Variants in TPH2 observed in about 807,000 individuals in gnomAD.
TPH2 encodes the protein tryptophan hydroxylase 2, also known as tryptophan 5-hydroxylase 2.
TPH2 carries 27 observed loss-of-function variants against 59.1 expected under a neutral mutation model. The observed-to-expected ratio is 0.46, with a 90% CI of 0.34 to 0.63. The LOEUF (loss-of-function observed/expected upper bound fraction) is 0.63. TPH2 is among the 30% of genes least tolerant of loss of function. The pLI is 0.01. For synonymous variants in TPH2, 220 were observed against 210.5 expected, an observed-to-expected ratio of 1.05 and a Z score of -0.39; for missense variants, 523 against 588.3, an observed-to-expected ratio of 0.89 and a Z score of 1.15.
intron 7 of TPH2, among the ~76,000 whole-genome samples, chr12:71,994,051 G>A (rs555044776): frequency 6.6e-6 from 1 of 152,250 alleles, no homozygotes; most frequent in East Asian, 1.9e-4. Context: ...GACCAGATTT[G>A]GACCATGGCT....
intron 5 of TPH2, among the ~76,000 whole-genome samples, chr12:71,954,837 T>A (rs1871449814): frequency 6.6e-6 from 1 of 152,292 alleles, no homozygotes; most frequent in South Asian, 2.1e-4. Context: ...TATTTAATTT[T>A]TTTTTTCGTG....
At chr12:71,954,571 C>G (rs911259994) in intron 5 of TPH2, among the ~76,000 whole-genome samples, 1 of 152,072 alleles carries the variant, frequency 6.6e-6, no homozygotes, top group East Asian at 1.9e-4. Context: ...GTGTGGGGGG[C>G]AGATAGCCTG....
intron 5 of TPH2, chr12:71,961,946 C>T: frequency 9.5e-7 from 1 of 1,056,002 alleles, no homozygotes; most frequent in Non-Finnish European, 1.1e-6. Flanking sequence ...TTTTTGTTTG[C>T]TCCCATCTGA....
chr12:72,018,574 G>A (rs1229672182), intron 8 of TPH2, among the ~76,000 whole-genome samples: 4 of 152,126 alleles, frequency 2.6e-5, no homozygotes, highest in South Asian at 4.1e-4. Context: ...GTGCTTAATA[G>A]GCTGACCCAA....
At chr12:71,941,372 G>GAA (rs1871059744) in intron 1 of TPH2, among the ~76,000 whole-genome samples, 1 of 152,078 alleles carries the variant, frequency 6.6e-6, no homozygotes. Context: ...ACCACTAGAT[G>GAA]ATGTCTTAGA....
chr12:72,016,935 T>C (rs1391611657), intron 8 of TPH2, among the ~76,000 whole-genome samples: 1 of 152,128 alleles, frequency 6.6e-6, no homozygotes, highest in African/African-American at 2.4e-5. Context: ...CAAGGAGGGA[T>C]GCAGAGGGAG....
intron 8 of TPH2, among the ~76,000 whole-genome samples, chr12:71,995,123 C>G (rs571216578): frequency 6.6e-6 from 1 of 152,012 alleles, no homozygotes; most frequent in African/African-American, 2.4e-5. Context: ...CACTGAGGCT[C>G]AACAATTATT....
At chr12:71,945,435 C>T (rs997980496) in intron 4 of TPH2, among the ~76,000 whole-genome samples, 19 of 151,980 alleles carry the variant, frequency 1.3e-4, no homozygotes, top group African/African-American at 4.6e-4. Context: ...CATTTTTTCC[C>T]TCCCCCAGTG....
At chr12:72,013,036 C>T (rs576575657) in intron 8 of TPH2, among the ~76,000 whole-genome samples, 3 of 152,122 alleles carry the variant, frequency 2.0e-5, no homozygotes. Flanking sequence ...CAGACTAAAA[C>T]AGTGCTGCTG....
At chr12:72,007,779 T>G (rs1487179431) in intron 8 of TPH2, among the ~76,000 whole-genome samples, 1 of 152,138 alleles carries the variant, frequency 6.6e-6, no homozygotes, top group East Asian at 1.9e-4. Context: ...TTTTCCTCTT[T>G]CAAATCTAAT....
chr12:72,008,400 A>G (rs935815954), intron 8 of TPH2, among the ~76,000 whole-genome samples: 6 of 152,160 alleles, frequency 3.9e-5, no homozygotes, highest in Non-Finnish European at 7.4e-5. Context: ...CTGAGATGGG[A>G]TGAGTTAGCC....
chr12:71,962,126 C>T (rs968495000), intron 5 of TPH2: 3 of 990,664 alleles, frequency 3.0e-6, no homozygotes, highest in Non-Finnish European at 3.6e-6. Context: ...GCTTAGCAGT[C>T]GTGGGGCTCC....
intron 8 of TPH2, among the ~76,000 whole-genome samples, chr12:72,009,085 C>T (rs1310571247): frequency 6.6e-6 from 1 of 152,134 alleles, no homozygotes; most frequent in Non-Finnish European, 1.5e-5. Context: ...ACAAAACCAG[C>T]TTCTCTGGCA....
intron 6 of TPH2, among the ~76,000 whole-genome samples, chr12:71,975,788 G>T (rs1006265147): frequency 6.6e-6 from 1 of 152,168 alleles, no homozygotes; most frequent in African/African-American, 2.4e-5. Flanking sequence ...GAGAACTACC[G>T]ATCAGTATCA....
rs997834908 is a variant in TPH2 at position 71,985,794 on chromosome 12, C to T, written c.941+6707C>T. ...TTATATAGTTTAGTGCTGTGCTGCC[C>T]CATCCAGTTCTCGGCCCAACTTCCA... is the stretch of plus-strand genomic sequence containing the variant. On this transcript the variant is annotated intron_variant, in intron 7 of 10. Transcript: ENST00000333850. Among the ~76,000 whole-genome samples the T allele has an allele frequency of 8.5e-5, 13 of 152,202 alleles. No individual in the cohort carries two copies. The East Asian group carries it at 2.5e-3, about 29-fold the overall frequency.
At chr12:71,993,815 G>A (rs1872632998) in intron 7 of TPH2, among the ~76,000 whole-genome samples, 1 of 152,180 alleles carries the variant, frequency 6.6e-6, no homozygotes, top group South Asian at 2.1e-4. Flanking sequence ...AACAGCAAGA[G>A]TTGAAAAACA....
At chr12:71,943,513 TAG>T (rs1335058133) in intron 2 of TPH2, among the ~76,000 whole-genome samples, 1 of 152,210 alleles carries the variant, frequency 6.6e-6, no homozygotes, top group African/African-American at 2.4e-5. Flanking sequence ...AGATCCATCA[TAG>T]AGTGATAGTT....
Position 72,019,127 on chromosome 12 carries a change from A to G in TPH2, c.1069-3272A>G, listed in dbSNP as rs550773020. ...GCTGTATTTTAGCTTTTCAACATGT[A>G]TTTACATTATTTATCTTGGTTCTTC... On this transcript the variant is annotated intron_variant, in intron 8 of 10. Coordinates refer to ENST00000333850, the MANE Select transcript of TPH2 (RefSeq NM_173353.4). Among the ~76,000 whole-genome samples the G allele has an allele frequency of 8.0e-4, 121 of 152,200 alleles. No individual in the cohort carries two copies. The South Asian group carries it at 8.1e-3, about 10-fold the overall frequency.
chr12:71,974,381 C>T (rs1040910700), intron 6 of TPH2, among the ~76,000 whole-genome samples: 1 of 152,186 alleles, frequency 6.6e-6, no homozygotes, highest in Non-Finnish European at 1.5e-5. Flanking sequence ...CTCATTCCTT[C>T]TGGTGGCTTC....
Sources: allele counts gnomAD v4.1 joint callset (sites outside exome capture counted in the v4.1 genomes callset), GRCh38; gene constraint gnomAD v4.1.1; transcripts MANE v1.5; gene names NCBI Gene and HGNC (gene_info 2026-07-23, HGNC 2026-07-21).